Variants in KLHL22 observed in about 807,000 individuals in gnomAD.
KLHL22 encodes the protein kelch like family member 22.
A neutral mutation model predicts 60.7 loss-of-function variants in KLHL22; 18 were observed. The ratio of observed to expected loss-of-function variants is 0.30; its 90% CI spans 0.20 to 0.44. The LOEUF (loss-of-function observed/expected upper bound fraction) is 0.44, where lower values mean the gene tolerates loss of function less well. Ranked by LOEUF, KLHL22 falls within the 20% of genes least tolerant of loss-of-function variation. The pLI is 1.00. For missense variants in KLHL22, 596 were observed against 852.3 expected (o/e 0.70, Z 3.74); for synonymous variants, 355 against 354.5 (o/e 1.00, Z -0.01).
At chr22:20,480,276 C>A (rs1324823494) in intron 2 of KLHL22, among the ~76,000 whole-genome samples, 9 of 152,140 alleles carry the variant, frequency 5.9e-5, no homozygotes. Context: ...AGATCTGTTT[C>A]GTAATAATGT....
chr22:20,476,196 C>G (rs894779446), intron 2 of KLHL22, among the ~76,000 whole-genome samples: 130 of 152,292 alleles, frequency 8.5e-4, no homozygotes, highest in Non-Finnish European at 2.5e-4. Context: ...ACATTTCACT[C>G]CATGCATGGC....
chr22:20,448,977 T>C (rs575945347), intron 5 of KLHL22, among the ~76,000 whole-genome samples: 3 of 152,380 alleles, frequency 2.0e-5, no homozygotes, highest in East Asian at 3.9e-4. Context: ...TCTCCTTATA[T>C]GCTTATTTGC....
rs2053627840 is a variant in KLHL22 at position 20,488,678 on chromosome 22, G to T, written c.227+307C>A. The T allele has an allele frequency of 1.4e-5, 6 of 438,118 alleles. No individual in the cohort carries two copies. In the South Asian group the frequency reaches 1.4e-4, roughly 10 times the overall value. The allele number at this position is 438,118 out of a possible 1,614,324, so 27.1% of individuals were successfully genotyped here. ...TAATTACTGACGGAGGGGAGGAATGGTAAGGGAGGGGAGGAGAGAAAGGAG... is the reference window on the plus strand; with the variant it reads ...TAATTACTGACGGAGGGGAGGAATGTTAAGGGAGGGGAGGAGAGAAAGGAG... On this transcript the variant is annotated intron_variant, in intron 2 of 6. Coordinates refer to ENST00000328879, the MANE Select transcript of KLHL22 (RefSeq NM_032775.4).
Position 20,465,163 on chromosome 22 carries a change from T to G in KLHL22, c.807A>C (p.Thr269=), listed in dbSNP as rs915936033. 3 of 1,613,766 alleles carry G rather than the reference T, an allele frequency of 1.9e-6. No individual in the cohort carries two copies. Among genetic ancestry groups the G allele is most frequent in the Non-Finnish European group, 2.5e-6 (3 of 1,180,004 alleles). ...DKLDPSPLRD[T]VASALMYHRN... ...GGTGGTACATGAGGGCGCTGGCCAC[T>G]GTGTCCCTCAAAGGGCTGGGGTCCA... is the stretch of plus-strand genomic sequence containing the variant. Residue 269 remains threonine, a synonymous_variant, in exon 4 of 7, where the codon ACA becomes ACC. Coordinates refer to ENST00000328879, the MANE Select transcript of KLHL22 (RefSeq NM_032775.4). The surrounding 1 kb of genome is among the most constrained non-coding windows in gnomAD (Gnocchi z 4.9).
chr22:20,450,697 G>A, intron 5 of KLHL22: 1 of 1,436,534 alleles, frequency 7.0e-7, no homozygotes, highest in Non-Finnish European at 9.8e-7. Context: ...GGATCCTGAA[G>A]AACCAGTCTT....
chr22:20,445,208 ATTT>A (rs57956195), intron 6 of KLHL22, among the ~76,000 whole-genome samples: 2 of 120,458 alleles, frequency 1.7e-5, no homozygotes, highest in African/African-American at 3.2e-5. Context: ...ACCCTTCTCT[ATTT>A]TTTTTTTTTT....
At chr22:20,446,853 G>A (rs2146168591) in intron 5 of KLHL22, among the ~76,000 whole-genome samples, 177 bp from the exon 6 acceptor site, 1 of 152,362 alleles carries the variant, frequency 6.6e-6, no homozygotes, top group Admixed American at 6.5e-5. Context: ...TACTGTCCTA[G>A]TCATTGACCT....
chr22:20,489,598 T>A (rs165613), intron 1 of KLHL22, among the ~76,000 whole-genome samples: 1 of 152,154 alleles, frequency 6.6e-6, no homozygotes, highest in Non-Finnish European at 1.5e-5. Flanking sequence ...CTCCCCAATT[T>A]TAAAAAGAGA....
At position 20,495,560 on chromosome 22, in the gene KLHL22, G is replaced by C. The variant is rs1414114466; in HGVS notation, c.-34+200C>G. On this transcript the variant is annotated intron_variant, in intron 1 of 6. Transcript: ENST00000328879. This position sits in a 1 kb window ranked among gnomAD's most constrained non-coding sequence, Gnocchi z 4.6. ...CGGCCCCTACGCGCCCGCGCCCGGG[G>C]ATCCCGCCGGCCGCGTCCCCGCCAC... Among the ~76,000 whole-genome samples, 1 of 150,620 alleles carries C rather than the reference G, an allele frequency of 6.6e-6. No individual in the cohort carries two copies. Among genetic ancestry groups the C allele is most frequent in the African/African-American group, 2.4e-5 (1 of 41,220 alleles).
chr22:20,465,640 G>A lies in KLHL22; in HGVS notation c.394-64C>T. On this transcript the variant is annotated intron_variant, in intron 3 of 6. Transcript: ENST00000328879. This position sits in a 1 kb window ranked among gnomAD's most constrained non-coding sequence, Gnocchi z 4.9. The stretch of plus-strand genomic sequence containing the variant: ...GAACAGCATCTGGGGGTGGGAGAGA[G>A]AATGATGGCAGAAATACGGGCTGTT... 2 of 842,710 alleles carry A rather than the reference G, an allele frequency of 2.4e-6. No individual in the cohort carries two copies. Among genetic ancestry groups the A allele is most frequent in the Non-Finnish European group, 4.2e-6 (2 of 478,658 alleles). 52.2% of individuals were successfully genotyped at this position (842,710 alleles called of 1,614,324 possible).
intron 2 of KLHL22, among the ~76,000 whole-genome samples, chr22:20,484,750 C>G (rs138707033): frequency 0.015 from 1,985 of 133,834 alleles, 49 homozygotes; most frequent in African/African-American, 0.053. Context: ...TTTTTTTTTA[C>G]GAGAAAAGAG....
chr22:20,445,422 G>T (rs923226874), intron 6 of KLHL22, among the ~76,000 whole-genome samples: 2 of 151,950 alleles, frequency 1.3e-5, no homozygotes, highest in Non-Finnish European at 2.9e-5. Flanking sequence ...TGGCCAAGCT[G>T]GTCTTGAACT....
At chr22:20,492,872 A>T (rs1308537512) in intron 1 of KLHL22, among the ~76,000 whole-genome samples, 1 of 152,116 alleles carries the variant, frequency 6.6e-6, no homozygotes, top group African/African-American at 2.4e-5. Context: ...GATTACAGGC[A>T]TGAGCCACCG....
chr22:20,445,061 G>A (rs1005250067), intron 6 of KLHL22, among the ~76,000 whole-genome samples: 3 of 151,712 alleles, frequency 2.0e-5, no homozygotes, highest in South Asian at 4.2e-4. Flanking sequence ...CAGGGATTAC[G>A]GGTGTGAGCC....
intron 3 of KLHL22, among the ~76,000 whole-genome samples, chr22:20,467,095 G>A (rs538373625): frequency 3.9e-5 from 6 of 152,300 alleles, no homozygotes; most frequent in Admixed American, 6.5e-5. Flanking sequence ...TTTCAGTGGG[G>A]CCCCCCAGTG....
rs185231952 is a variant in KLHL22, at chr22:20,472,017, C to A, written c.228-502G>T. ...ATCCCAGCACTTTGGGAGGCCAAGGCAGGCAAATCACTTCAGGTCAGGAAT... is the reference window on the plus strand; with the variant it reads ...ATCCCAGCACTTTGGGAGGCCAAGGAAGGCAAATCACTTCAGGTCAGGAAT... On this transcript the variant is annotated intron_variant, in intron 2 of 6. Transcript: ENST00000328879. Among the ~76,000 whole-genome samples, 406 of 152,304 alleles carry A rather than the reference C, an allele frequency of 2.7e-3. 1 individual carries two copies. The highest frequency in any genetic ancestry group is 9.5e-3 in the African/African-American group (394 of 41,574).
chr22:20,476,298 C>T (rs2053410955), intron 2 of KLHL22, among the ~76,000 whole-genome samples: 1 of 151,836 alleles, frequency 6.6e-6, no homozygotes, highest in Admixed American at 6.6e-5. Flanking sequence ...GTACTTCTGT[C>T]TGATTCTTCT....
Position 20,458,015 on chromosome 22 carries a change from G to A in KLHL22, c.1113-15C>T. The stretch of plus-strand genomic sequence containing the variant: ...GTGGGTCATACCTGTGCCGAGACAT[G>A]AGGAAAGCACAGCACTGACTAGGCA... On this transcript the variant is annotated splice_polypyrimidine_tract_variant and intron_variant, in intron 4 of 6. Transcript: ENST00000328879. 4 of 1,613,566 alleles carry A rather than the reference G, an allele frequency of 2.5e-6. No homozygotes were observed. Among genetic ancestry groups the A allele is most frequent in the Non-Finnish European group, 3.4e-6 (4 of 1,179,726 alleles).
At chr22:20,477,700 C>G (rs921485399) in intron 2 of KLHL22, among the ~76,000 whole-genome samples, 7 of 152,210 alleles carry the variant, frequency 4.6e-5, no homozygotes, top group Non-Finnish European at 8.8e-5. Flanking sequence ...TTAGGAAAAT[C>G]TGAACGTGGA....
Sources: gnomAD v4.1 joint callset for allele counts (sites outside exome capture counted in the v4.1 genomes callset) on GRCh38, gnomAD v4.1.1 for gene constraint, Gnocchi (gnomAD v3.1) non-coding constraint, MANE v1.5 for transcripts, NCBI Gene and HGNC (gene_info 2026-07-23, HGNC 2026-07-21) for gene names.